PTK7: variants seen among roughly 807,000 people sequenced by gnomAD.
The protein encoded by PTK7 is inactive tyrosine-protein kinase 7.
In PTK7, 39 loss-of-function variants were observed where a neutral mutation model predicts 116.6. That is an observed-to-expected ratio of 0.33 (90% CI 0.26 to 0.44). The LOEUF (loss-of-function observed/expected upper bound fraction) is 0.44, where lower values mean the gene tolerates loss of function less well. Ranked by LOEUF, PTK7 falls within the 20% of genes least tolerant of loss-of-function variation. The pLI, the probability that PTK7 is intolerant of heterozygous loss-of-function variation, is 1.00. For missense variants in PTK7, 1,169 were observed against 1,425.6 expected (o/e 0.82, Z 2.90); for synonymous variants, 546 against 563.6 (o/e 0.97, Z 0.44).
intron 1 of PTK7, among the ~76,000 whole-genome samples, chr6:43,124,240 C>T (rs1333330310): frequency 2.0e-5 from 3 of 152,178 alleles, no homozygotes; most frequent in South Asian, 2.1e-4. Flanking sequence ...AATCCCGAAC[C>T]GCCTGCCTTC....
At chr6:43,114,390 GTC>G (rs377462321) in intron 1 of PTK7, among the ~76,000 whole-genome samples, 10 of 151,920 alleles carry the variant, frequency 6.6e-5, no homozygotes, top group African/African-American at 2.4e-4. Flanking sequence ...CCCCTTCTCT[GTC>G]TCTCTCAATT....
In PTK7 at chr6:43,161,040, C is replaced by A; in HGVS notation, c.*159C>A. ...TGAGCAGGGCCTGGCCTTTCCTCCT[C>A]TTCCTCACCCTCATCCTTTGGGAGG... On this transcript the variant is annotated 3_prime_UTR_variant, in exon 20 of 20. Coordinates refer to ENST00000230419, the MANE Select transcript of PTK7 (RefSeq NM_002821.5). 9.6e-7 allele frequency: 1 copy of A among 1,040,730 alleles called. No individual in the cohort carries two copies. Among genetic ancestry groups the A allele is most frequent in the Non-Finnish European group, 1.3e-6 (1 of 742,788 alleles). 64.5% of individuals were successfully genotyped at this position (1,040,730 alleles called of 1,614,324 possible).
At chr6:43,144,750 T>G in intron 15 of PTK7, 144 bp downstream of exon 15, 1 of 1,044,784 alleles carries the variant, frequency 9.6e-7, no homozygotes. Context: ...TCTAGCCCAG[T>G]GTGGCCCCAG....
At chr6:43,157,353 TATATATATATA>T (rs373016970) in intron 17 of PTK7, among the ~76,000 whole-genome samples, 405 of 10,244 alleles carry the variant, frequency 0.04, 48 homozygotes, top group African/African-American at 0.097. Flanking sequence ...TATATATATA[TATATATATATA>T]TTTTTTTTTT....
intron 1 of PTK7, among the ~76,000 whole-genome samples, chr6:43,092,184 G>C (rs985559342): frequency 1.3e-5 from 2 of 151,608 alleles, no homozygotes; most frequent in African/African-American, 4.8e-5. Context: ...TTATTTATTT[G>C]TTTTTTAGAG....
At chr6:43,142,523 T>A in intron 13 of PTK7, 1 of 691,336 alleles carries the variant, frequency 1.4e-6, no homozygotes, top group Non-Finnish European at 2.5e-6. Flanking sequence ...GTGTGTGTTG[T>A]GGGGGAGTGG....
intron 16 of PTK7, 109 bp from the exon 17 acceptor site, chr6:43,146,509 C>A: frequency 9.7e-7 from 1 of 1,028,860 alleles, no homozygotes; most frequent in Admixed American, 1.9e-5. Context: ...TAGCTTAGGC[C>A]TTCTCACTGC....
At chr6:43,121,056 GTTTTTTTTTTTT>G (rs564738874) in intron 1 of PTK7, among the ~76,000 whole-genome samples, 1 of 119,724 alleles carries the variant, frequency 8.4e-6, no homozygotes, top group South Asian at 2.7e-4. Flanking sequence ...CCATGTTTCT[GTTTTTTTTTTTT>G]TTTTTTTTGA....
chr6:43,142,427 G>A lies in PTK7; in HGVS notation c.2047+128G>A, dbSNP rs184519877. 225 of 1,374,792 alleles carry A rather than the reference G, an allele frequency of 1.6e-4. No individual in the cohort carries two copies. The East Asian group carries it at 2.0e-3, about 12-fold the overall frequency. The allele number at this position is 1,374,792 out of a possible 1,614,324, so 85.2% of individuals were successfully genotyped here. A position where few individuals can be genotyped will look rare whatever the true frequency, so the allele number is the denominator to read the frequency against. On this transcript the variant is annotated intron_variant, in intron 13 of 19. Coordinates refer to ENST00000230419, the MANE Select transcript of PTK7 (RefSeq NM_002821.5). ...TTGTGGCAGCGGTGGGGATTCGGCC[G>A]TCTCACCATGCTGCTGCACAGTCTT... is the stretch of plus-strand genomic sequence containing the variant.
rs191039638 is a variant in PTK7 at position 43,140,286 on chromosome 6, T to C, written c.1618+761T>C. Among the ~76,000 whole-genome samples the C allele has an allele frequency of 1.7e-3, 265 of 152,024 alleles. 1 individual carries two copies. The highest frequency in any genetic ancestry group is 6.0e-3 in the African/African-American group (249 of 41,460). Reference sequence around the variant, plus strand: ...ACATAGAGTAGTGAAACCTCGTCTCTACTGAAAATACAAAAAATTAGCCAG... The same window carrying C: ...ACATAGAGTAGTGAAACCTCGTCTCCACTGAAAATACAAAAAATTAGCCAG... On this transcript the variant is annotated intron_variant, in intron 10 of 19. Coordinates refer to ENST00000230419, the MANE Select transcript of PTK7 (RefSeq NM_002821.5).
In PTK7 at chr6:43,143,680, G is replaced by C; in HGVS notation, c.2251+60G>C. The C allele has an allele frequency of 6.5e-7, 1 of 1,542,352 alleles. No individual in the cohort carries two copies. Among genetic ancestry groups the C allele is most frequent in the Non-Finnish European group, 8.8e-7 (1 of 1,141,304 alleles). On this transcript the variant is annotated intron_variant, in intron 14 of 19. Transcript: ENST00000230419. The surrounding 1 kb of genome is among the most constrained non-coding windows in gnomAD (Gnocchi z 4.2). ...TGCGGGAGCTGAGCGCCCTCCCGCG[G>C]CCACGGAGGGGAGAGCGCCAGCACT...
intron 1 of PTK7, among the ~76,000 whole-genome samples, chr6:43,115,472 C>T (rs1768453189): frequency 6.6e-6 from 1 of 152,114 alleles, no homozygotes; most frequent in African/African-American, 2.4e-5. Flanking sequence ...TAACACTGGG[C>T]TGGCTCCAGT....
Position 43,143,697 on chromosome 6 carries a change from G to T in PTK7, c.2251+77G>T. 6.8e-7 allele frequency: 1 copy of T among 1,475,270 alleles called. No individual in the cohort carries two copies. Among genetic ancestry groups the T allele is most frequent in the South Asian group, 1.2e-5 (1 of 82,748 alleles). 91.4% of individuals were successfully genotyped at this position (1,475,270 alleles called of 1,614,324 possible). ...CTCCCGCGGCCACGGAGGGGAGAGC[G>T]CCAGCACTCTGGAAACCGAGCGGCT... On this transcript the variant is annotated intron_variant, in intron 14 of 19. Coordinates refer to ENST00000230419, the MANE Select transcript of PTK7 (RefSeq NM_002821.5). The surrounding 1 kb of genome is among the most constrained non-coding windows in gnomAD (Gnocchi z 4.2).
At chr6:43,121,435 C>T (rs919485720) in intron 1 of PTK7, among the ~76,000 whole-genome samples, 1 of 152,200 alleles carries the variant, frequency 6.6e-6, no homozygotes, top group Non-Finnish European at 1.5e-5. Flanking sequence ...GATAGGAAAA[C>T]TCAGCAGGGT....
intron 1 of PTK7, among the ~76,000 whole-genome samples, chr6:43,118,262 C>T (rs557492708): frequency 3.1e-4 from 47 of 151,854 alleles, no homozygotes; most frequent in Non-Finnish European, 6.3e-4. Flanking sequence ...TTAGGCCGGG[C>T]GCGTTGGCTC....
At chr6:43,160,190 A>T (rs1224345058) in intron 19 of PTK7, among the ~76,000 whole-genome samples, 5 of 152,284 alleles carry the variant, frequency 3.3e-5, no homozygotes, top group East Asian at 3.9e-4. Context: ...ATCTCCGTTC[A>T]CTGCAACTTC....
rs1765994481 is a variant in PTK7, at chr6:43,076,322, C to G, written c.-167C>G. ...CGCGGGGACTCGGAGGTACTGGGCG[C>G]GCGCGGCTCCGGCTCGGGACGCCTC... On this transcript the variant is annotated 5_prime_UTR_variant, in exon 1 of 20. Coordinates refer to ENST00000230419, the MANE Select transcript of PTK7 (RefSeq NM_002821.5). The surrounding 1 kb of genome is among the most constrained non-coding windows in gnomAD (Gnocchi z 5.7). 4.1e-6 allele frequency: 1 copy of G among 244,474 alleles called. No individual in the cohort carries two copies. The highest frequency in any genetic ancestry group is 1.2e-4 in the East Asian group (1 of 8,674). The allele number at this position is 244,474 out of a possible 1,614,324, so 15.1% of individuals were successfully genotyped here.
chr6:43,142,346 A>G, intron 13 of PTK7, 47 bp downstream of exon 13: 1 of 1,612,856 alleles, frequency 6.2e-7, no homozygotes, highest in Non-Finnish European at 8.5e-7. Flanking sequence ...GTGGGCCCAG[A>G]CGTTTGTCAC....
At chr6:43,090,799 A>G (rs1766905880) in intron 1 of PTK7, among the ~76,000 whole-genome samples, 1 of 152,154 alleles carries the variant, frequency 6.6e-6, no homozygotes, top group Non-Finnish European at 1.5e-5. Flanking sequence ...GGCTCGTTAA[A>G]TGTGCTTTAT....
Sources: allele counts gnomAD v4.1 joint callset (sites outside exome capture counted in the v4.1 genomes callset), GRCh38; gene constraint gnomAD v4.1.1; non-coding constraint Gnocchi (gnomAD v3.1); transcripts MANE v1.5; gene names NCBI Gene and HGNC (gene_info 2026-07-23, HGNC 2026-07-21).